The following GMEB2 variants were observed in gnomAD, a reference collection of about 807,000 sequenced individuals.
The protein encoded by GMEB2 is glucocorticoid modulatory element binding protein 2, also known as glucocorticoid modulatory element-binding protein 2.
GMEB2 carries 7 observed loss-of-function variants against 45.7 expected under a neutral mutation model. The observed-to-expected ratio is 0.15, with a 90% CI of 0.09 to 0.29. The LOEUF (loss-of-function observed/expected upper bound fraction) is 0.29. Among genes scored for constraint, GMEB2 ranks in the 10% least tolerant of loss-of-function variants. The pLI is 1.00. For missense variants in GMEB2, 582 were observed against 739.2 expected (o/e 0.79, Z 2.47); for synonymous variants, 322 against 323.6 (o/e 1.00, Z 0.05).
rs368815293 is a variant in GMEB2, at chr20:63,592,594, C to A, written c.768G>T (p.Glu256Asp). 26 of 1,606,714 alleles carry A rather than the reference C, an allele frequency of 1.6e-5. No individual in the cohort carries two copies. The highest frequency in any genetic ancestry group is 2.1e-5 in the Non-Finnish European group (25 of 1,173,436). Residue 256 changes from glutamate to aspartate, a missense_variant, in exon 8 of 10, where the codon GAG (glutamate) becomes GAT (aspartate). Physicochemically the swap from Glu to Asp is conservative, Grantham distance 45 (BLOSUM62 2). Transcript: ENST00000370077. This position sits in a 1 kb window ranked among gnomAD's most constrained non-coding sequence, Gnocchi z 8.2. ...LDEVIQEFHQ[E>D]LVETMRGLQQ... is the part of the protein sequence containing the mutation. Reference sequence around the variant, plus strand: ...GCAGGCCTCTCATGGTCTCCACCAGCTCCTGGTGGAACTCCTGGATGACCT... The same window carrying A: ...GCAGGCCTCTCATGGTCTCCACCAGATCCTGGTGGAACTCCTGGATGACCT...
At chr20:63,599,172 C>G (rs1038191842) in intron 4 of GMEB2, among the ~76,000 whole-genome samples, 1 of 151,794 alleles carries the variant, frequency 6.6e-6, no homozygotes, top group Non-Finnish European at 1.5e-5. Context: ...CCAGCGCTAA[C>G]GCGGCCCGCT....
chr20:63,626,281 CGGGTCGGGTGCCTGCGGGGTGGTCCCTAT>C (rs1456752859), intron 1 of GMEB2, among the ~76,000 whole-genome samples: 99 of 147,252 alleles, frequency 6.7e-4, no homozygotes, highest in South Asian at 2.0e-3. Context: ...GTGGCCCCTG[CGGGTCGGGTGCCTGCGGGGTGGTCCCTAT>C]GGGTCGCGTC....
At position 63,592,197 on chromosome 20, in the gene GMEB2, C is replaced by A; in HGVS notation, c.830-53G>T. On this transcript the variant is annotated intron_variant, in intron 8 of 9. Transcript: ENST00000370077. This position sits in a 1 kb window ranked among gnomAD's most constrained non-coding sequence, Gnocchi z 8.2. ...AGAGCCCAAGCCCTTCCTAGAGAGCCACGCGGACGCTCGGTGAGAGCCCGG... is the reference window on the plus strand; with the variant it reads ...AGAGCCCAAGCCCTTCCTAGAGAGCAACGCGGACGCTCGGTGAGAGCCCGG... 1 of 1,567,874 alleles carries A rather than the reference C, an allele frequency of 6.4e-7. No homozygotes were observed. The highest frequency in any genetic ancestry group is 8.7e-7 in the Non-Finnish European group (1 of 1,152,302).
At position 63,589,247 on chromosome 20, in the gene GMEB2, C is replaced by T; in HGVS notation, c.*842G>A. The T allele has an allele frequency of 2.5e-6, 1 of 398,918 alleles. No individual in the cohort carries two copies. The highest frequency in any genetic ancestry group is 1.3e-4 in the South Asian group (1 of 7,506). 24.7% of individuals were successfully genotyped at this position (398,918 alleles called of 1,614,324 possible). Reference sequence around the variant, plus strand: ...CTCAGGGACAGGCTGCCCAGGACCTCCGCACCCGGTCAAGTGCACTCACAG... The same window carrying T: ...CTCAGGGACAGGCTGCCCAGGACCTTCGCACCCGGTCAAGTGCACTCACAG... On this transcript the variant is annotated 3_prime_UTR_variant, in exon 10 of 10. Coordinates refer to ENST00000370077, the MANE Select transcript of GMEB2 (RefSeq NM_012384.5).
At chr20:63,625,166 C>G (rs1363170367) in intron 1 of GMEB2, among the ~76,000 whole-genome samples, 1 of 152,126 alleles carries the variant, frequency 6.6e-6, no homozygotes, top group African/African-American at 2.4e-5. Context: ...ACCCCCTCCT[C>G]TCTCCACAGC....
chr20:63,598,077 AG>A (rs1385084959), intron 4 of GMEB2, among the ~76,000 whole-genome samples: 2 of 152,190 alleles, frequency 1.3e-5, no homozygotes, highest in Non-Finnish European at 2.9e-5. Context: ...TCCAGCCCTG[AG>A]GGGGCAGAGC....
At chr20:63,602,092 AG>A (rs2083246635) in intron 4 of GMEB2, among the ~76,000 whole-genome samples, 1 of 152,220 alleles carries the variant, frequency 6.6e-6, no homozygotes, top group Non-Finnish European at 1.5e-5. Context: ...TTGTGTGTCC[AG>A]GGTTCTGTGG....
At chr20:63,624,370 A>G (rs575705728) in intron 1 of GMEB2, among the ~76,000 whole-genome samples, 5 of 151,936 alleles carry the variant, frequency 3.3e-5, no homozygotes, top group Non-Finnish European at 7.4e-5. Flanking sequence ...CAGAGGTTGC[A>G]GCGAGCCAAG....
chr20:63,592,441 G>T lies in GMEB2; in HGVS notation c.829+92C>A. On this transcript the variant is annotated intron_variant, in intron 8 of 9. Coordinates refer to ENST00000370077, the MANE Select transcript of GMEB2 (RefSeq NM_012384.5). The surrounding 1 kb of genome is among the most constrained non-coding windows in gnomAD (Gnocchi z 8.2). ...ATTCAGCCTCCAACCCAGCAGCACAGAAGGGCCTAGGGGCAGGAGGGCCAG... is the reference window on the plus strand; with the variant it reads ...ATTCAGCCTCCAACCCAGCAGCACATAAGGGCCTAGGGGCAGGAGGGCCAG... 1.0e-6 allele frequency: 1 copy of T among 978,430 alleles called. No individual in the cohort carries two copies. Among genetic ancestry groups the T allele is most frequent in the Non-Finnish European group, 1.5e-6 (1 of 652,212 alleles). 60.6% of individuals were successfully genotyped at this position (978,430 alleles called of 1,614,324 possible).
intron 4 of GMEB2, among the ~76,000 whole-genome samples, chr20:63,600,080 C>T (rs532061053): frequency 4.6e-5 from 7 of 151,898 alleles, no homozygotes; most frequent in Admixed American, 3.9e-4. Flanking sequence ...CTCACTCTGT[C>T]GTCCAGGCTG....
In GMEB2 at chr20:63,603,088, C is replaced by G. The variant is rs2083253231; in HGVS notation, c.234G>C (p.Lys78Asn). 2 of 1,613,944 alleles carry G rather than the reference C, an allele frequency of 1.2e-6. No homozygotes were observed. The highest frequency in any genetic ancestry group is 3.3e-5 in the Admixed American group (2 of 59,998). ...SSQLKEAVLV[K>N]MAEEGENLEA... ...CCAGGTTCTCCCCCTCTTCAGCCAT[C>G]TTCACTTCTCACAGGCACATTGACA... is the stretch of plus-strand genomic sequence containing the variant. The change falls in exon 4 of 10, where the codon AAG becomes AAC. Residue 78 changes from lysine (K) to asparagine (N), a missense_variant. By Grantham distance (94) the Lys-to-Asn change is moderately conservative (BLOSUM62 0). Coordinates refer to ENST00000370077, the MANE Select transcript of GMEB2 (RefSeq NM_012384.5).
At position 63,593,576 on chromosome 20, in the gene GMEB2, C is replaced by T. The variant is rs533038096; in HGVS notation, c.620-494G>A. 2.0e-5 allele frequency among the ~76,000 whole-genome samples: 3 copies of T among 152,180 alleles called. No individual in the cohort carries two copies. The East Asian group carries it at 5.8e-4, about 29-fold the overall frequency. On this transcript the variant is annotated intron_variant, in intron 6 of 9. Transcript: ENST00000370077. The surrounding 1 kb of genome is among the most constrained non-coding windows in gnomAD (Gnocchi z 4.7). ...TCTATCATGTTTCCATTTTTCTACA[C>T]CAGAACAAGTGGGGCTTTGAGAGAC...
At chr20:63,605,085 T>C (rs995689010) in intron 2 of GMEB2, among the ~76,000 whole-genome samples, 8 of 151,718 alleles carry the variant, frequency 5.3e-5, no homozygotes, top group African/African-American at 1.9e-4. Context: ...ACCCCATCTC[T>C]ATTTAAAAAA....
intron 2 of GMEB2, among the ~76,000 whole-genome samples, chr20:63,610,328 T>C (rs2089559547): frequency 6.6e-6 from 1 of 152,174 alleles, no homozygotes; most frequent in African/African-American, 2.4e-5. Context: ...GAGACCATCC[T>C]GGCTAACACG....
intron 2 of GMEB2, among the ~76,000 whole-genome samples, chr20:63,616,369 G>A (rs1450652463): frequency 1.3e-5 from 2 of 152,174 alleles, no homozygotes; most frequent in East Asian, 1.9e-4. Context: ...GCTTCAACCC[G>A]GGAGGCAGAG....
chr20:63,605,481 T>C (rs1322388651), intron 2 of GMEB2, among the ~76,000 whole-genome samples: 1 of 137,424 alleles, frequency 7.3e-6, no homozygotes, highest in Non-Finnish European at 1.5e-5. Flanking sequence ...GGGGATTGTG[T>C]CACCGCACTC....
At chr20:63,595,267 G>A (rs1213725059) in intron 6 of GMEB2, among the ~76,000 whole-genome samples, 4 of 150,958 alleles carry the variant, frequency 2.6e-5, no homozygotes. Flanking sequence ...CCAGATTTGG[G>A]GCTGGGCCGT....
chr20:63,615,915 G>T (rs2777931), intron 2 of GMEB2, among the ~76,000 whole-genome samples: 16,584 of 152,130 alleles, frequency 0.11, 1,446 homozygotes, highest in African/African-American at 0.24. Flanking sequence ...CATATGTTTC[G>T]ATATAAACAG....
intron 2 of GMEB2, among the ~76,000 whole-genome samples, chr20:63,606,478 G>C (rs1034254696): frequency 6.6e-6 from 1 of 151,882 alleles, no homozygotes; most frequent in Non-Finnish European, 1.5e-5. Flanking sequence ...CTCCCGAGTA[G>C]CTGGGACTAC....
Sources: gnomAD v4.1 joint callset for allele counts (sites outside exome capture counted in the v4.1 genomes callset) on GRCh38, gnomAD v4.1.1 for gene constraint, Gnocchi (gnomAD v3.1) non-coding constraint, MANE v1.5 for transcripts, NCBI Gene and HGNC (gene_info 2026-07-23, HGNC 2026-07-21) for gene names.